The following GUCY1A1 variants were observed in gnomAD, a reference collection of about 807,000 sequenced individuals.
GUCY1A1 encodes the protein guanylate cyclase soluble subunit alpha-1.
A neutral mutation model predicts 64.5 loss-of-function variants in GUCY1A1; 48 were observed. The ratio of observed to expected loss-of-function variants is 0.74; its 90% CI spans 0.59 to 0.95. The LOEUF (loss-of-function observed/expected upper bound fraction) is 0.95. GUCY1A1 is among the 40% of genes least tolerant of loss of function. GUCY1A1 has a pLI of 0.00. For synonymous variants in GUCY1A1, 308 were observed against 303.4 expected, an observed-to-expected ratio of 1.02 and a Z score of -0.16; for missense variants, 804 against 825.3, an observed-to-expected ratio of 0.97 and a Z score of 0.32.
At chr4:155,673,877 CTTA>C (rs1431727462) in intron 2 of GUCY1A1, among the ~76,000 whole-genome samples, 4 of 151,386 alleles carry the variant, frequency 2.6e-5, no homozygotes, top group Admixed American at 6.6e-5. Flanking sequence ...AATTGCATGC[CTTA>C]TTATGTTTTC....
chr4:155,681,294 G>C (rs886463116), intron 2 of GUCY1A1, among the ~76,000 whole-genome samples: 3 of 152,094 alleles, frequency 2.0e-5, no homozygotes, highest in African/African-American at 7.2e-5. Flanking sequence ...CCTGTACTTT[G>C]AGCTAACTTT....
chr4:155,701,678 C>T (rs1027778051), intron 3 of GUCY1A1, among the ~76,000 whole-genome samples: 1 of 151,842 alleles, frequency 6.6e-6, no homozygotes, highest in Non-Finnish European at 1.5e-5. Flanking sequence ...GTGGCTCATA[C>T]TTGTAGTCCC....
intron 3 of GUCY1A1, among the ~76,000 whole-genome samples, chr4:155,698,977 T>A: frequency 6.6e-6 from 1 of 152,194 alleles, no homozygotes; most frequent in East Asian, 1.9e-4. Context: ...GTTGTCTGTC[T>A]GTGTTTTCTT....
intron 9 of GUCY1A1, 101 bp downstream of exon 9, chr4:155,722,293 T>A: frequency 6.7e-7 from 1 of 1,494,534 alleles, no homozygotes; most frequent in Non-Finnish European, 8.9e-7. Context: ...TTTTTCTTCC[T>A]TAGTCGTAAG....
At chr4:155,690,561 G>A (rs535492794) in intron 2 of GUCY1A1, among the ~76,000 whole-genome samples, 12 of 152,094 alleles carry the variant, frequency 7.9e-5, no homozygotes, top group African/African-American at 2.9e-4. Flanking sequence ...TGTCTATTTT[G>A]TCTCTCACCA....
chr4:155,676,932 A>C (rs1735027954), intron 2 of GUCY1A1, among the ~76,000 whole-genome samples: 1 of 151,448 alleles, frequency 6.6e-6, no homozygotes, highest in East Asian at 1.9e-4. Flanking sequence ...CATGTTTACC[A>C]ATGTACTGTA....
In GUCY1A1 at chr4:155,731,088, C is replaced by A. The variant is rs1735489977; in HGVS notation, c.*857C>A. ...TATTCAAATCTAATTTAGCTGGAAG[C>A]AACATGGGAGTAAAGTAATCATCCA... On this transcript the variant is annotated 3_prime_UTR_variant, in exon 10 of 10. Transcript: ENST00000506455. 6.5e-6 allele frequency: 1 copy of A among 152,944 alleles called. No individual in the cohort carries two copies. Among genetic ancestry groups the A allele is most frequent in the Non-Finnish European group, 1.5e-5 (1 of 67,804 alleles). 9.5% of individuals were successfully genotyped at this position (152,944 alleles called of 1,614,324 possible). A position where few individuals can be genotyped will look rare whatever the true frequency, so the allele number is the denominator to read the frequency against.
At position 155,714,157 on chromosome 4, in the gene GUCY1A1, G is replaced by A. The variant is rs7692387; in HGVS notation, c.1572+574G>A. Among the ~76,000 whole-genome samples the A allele has an allele frequency of 0.16, 24,914 of 152,104 alleles. 2,245 individuals carry two copies. The highest frequency in any genetic ancestry group is 0.21 in the East Asian group (1,079 of 5,168). ...AGCTTGGCCAAGGGCAGAGACATTTGAAAAAGAAAGACCTATCTTCAAATC... is the reference window on the plus strand; with the variant it reads ...AGCTTGGCCAAGGGCAGAGACATTTAAAAAAGAAAGACCTATCTTCAAATC... On this transcript the variant is annotated intron_variant, in intron 7 of 9. Coordinates refer to ENST00000506455, the MANE Select transcript of GUCY1A1 (RefSeq NM_001130682.3).
rs538559331 is a variant in GUCY1A1 at position 155,735,212 on chromosome 4, G to T, written c.*4981G>T. The T allele has an allele frequency of 1.3e-5, 2 of 151,816 alleles. No homozygotes were observed. Among genetic ancestry groups the T allele is most frequent in the Non-Finnish European group, 2.9e-5 (2 of 67,916 alleles). 9.4% of individuals were successfully genotyped at this position (151,816 alleles called of 1,614,324 possible). On this transcript the variant is annotated 3_prime_UTR_variant, in exon 10 of 10. Transcript: ENST00000506455. Reference sequence around the variant, plus strand: ...ATAACCTACACATTTTTCATCCAAAGCTATCCCATTACCTTATTTATGTCC... The same window carrying T: ...ATAACCTACACATTTTTCATCCAAATCTATCCCATTACCTTATTTATGTCC...
chr4:155,668,687 T>C (rs1250247295), intron 2 of GUCY1A1, among the ~76,000 whole-genome samples: 3 of 152,194 alleles, frequency 2.0e-5, no homozygotes, highest in Non-Finnish European at 2.9e-5. Context: ...ATATTTTTTC[T>C]TTAAGAGTGA....
chr4:155,673,854 A>T (rs986543028), intron 2 of GUCY1A1, among the ~76,000 whole-genome samples: 4 of 151,438 alleles, frequency 2.6e-5, no homozygotes, highest in African/African-American at 9.8e-5. Flanking sequence ...CTTTCCCTGA[A>T]CTTCCAAGCC....
At chr4:155,722,475 G>T in intron 9 of GUCY1A1, 1 of 1,180,664 alleles carries the variant, frequency 8.5e-7, no homozygotes, top group Non-Finnish European at 1.1e-6. Context: ...AATACTCTTA[G>T]TATGTTGATA....
chr4:155,670,397 T>A (rs183609230), intron 2 of GUCY1A1, among the ~76,000 whole-genome samples: 5 of 152,348 alleles, frequency 3.3e-5, no homozygotes, highest in African/African-American at 9.6e-5. Context: ...ACTAGTTGAT[T>A]TACTTTGGGT....
At chr4:155,715,755 C>T (rs1236908553) in intron 7 of GUCY1A1, among the ~76,000 whole-genome samples, 1 of 152,132 alleles carries the variant, frequency 6.6e-6, no homozygotes, top group African/African-American at 2.4e-5. Flanking sequence ...GTGGCATTGC[C>T]ACCTGGTTCA....
chr4:155,667,036 G>GA (rs1733393051), intron 1 of GUCY1A1, 71 bp downstream of exon 1: 5 of 152,540 alleles, frequency 3.3e-5, no homozygotes, highest in Middle Eastern at 3.4e-3. Context: ...GCAGAGGTCT[G>GA]AAAAAATCGA....
chr4:155,694,555 C>G (rs1460752527), intron 2 of GUCY1A1, among the ~76,000 whole-genome samples: 1 of 152,070 alleles, frequency 6.6e-6, no homozygotes, highest in Non-Finnish European at 1.5e-5. Flanking sequence ...TTTCTACAAC[C>G]AGGGGTCAGC....
intron 8 of GUCY1A1, 122 bp from the exon 9 acceptor site, chr4:155,721,916 G>T: frequency 1.4e-6 from 1 of 725,054 alleles, no homozygotes. Flanking sequence ...TGAAGGTTTT[G>T]AGGAAAGGGG....
At chr4:155,700,880 A>T (rs572899485) in intron 3 of GUCY1A1, among the ~76,000 whole-genome samples, 2 of 152,338 alleles carry the variant, frequency 1.3e-5, no homozygotes, top group South Asian at 4.1e-4. Flanking sequence ...TGAATTTGGA[A>T]GGAAATATTG....
rs1272286697 is a variant in GUCY1A1, at chr4:155,735,527, G to A, written c.*5296G>A. 1 of 151,890 alleles carries A rather than the reference G, an allele frequency of 6.6e-6. No homozygotes were observed. The highest frequency in any genetic ancestry group is 2.4e-5 in the African/African-American group (1 of 41,384). The allele number at this position is 151,890 out of a possible 1,614,324, so 9.4% of individuals were successfully genotyped here. On this transcript the variant is annotated 3_prime_UTR_variant, in exon 10 of 10. Coordinates refer to ENST00000506455, the MANE Select transcript of GUCY1A1 (RefSeq NM_001130682.3). ...TATTTAGATAAGGTTGTGGCTGCCTGTCAAGTTTTTTAATTTTTTAAATTA... is the reference window on the plus strand; with the variant it reads ...TATTTAGATAAGGTTGTGGCTGCCTATCAAGTTTTTTAATTTTTTAAATTA...
Sources: allele counts gnomAD v4.1 joint callset (sites outside exome capture counted in the v4.1 genomes callset), GRCh38; gene constraint gnomAD v4.1.1; transcripts MANE v1.5; gene names NCBI Gene and HGNC (gene_info 2026-07-23, HGNC 2026-07-21).